MRPS33: variants seen among roughly 807,000 people sequenced by gnomAD.
MRPS33 encodes the protein mitochondrial ribosomal protein S33.
Under a neutral mutation model 11.2 loss-of-function variants are expected in MRPS33, and 11 were observed. The ratio of observed to expected loss-of-function variants is 0.99; its 90% CI spans 0.62 to 1.63. The LOEUF (loss-of-function observed/expected upper bound fraction) is 1.63. Ranked by LOEUF, MRPS33 falls within the 40% of genes most tolerant of loss-of-function variation. The pLI, the probability that MRPS33 is intolerant of heterozygous loss-of-function variation, is 0.00. For missense variants in MRPS33, 109 were observed against 127.8 expected (o/e 0.85, Z 0.71); for synonymous variants, 46 against 44.0 (o/e 1.05, Z -0.18).
chr7:141,008,797 A>C (rs1820599367), intron 2 of MRPS33, among the ~76,000 whole-genome samples: 1 of 128,608 alleles, frequency 7.8e-6, no homozygotes, highest in Admixed American at 1.0e-4. Flanking sequence ...TAATTAAAAA[A>C]ATAATTTTTT....
chr7:141,009,610 CA>C (rs1174162866), intron 2 of MRPS33: 1 of 152,026 alleles, frequency 6.6e-6, no homozygotes, highest in African/African-American at 2.4e-5. Context: ...ATAAAAATGC[CA>C]GAAGACAGTA....
chr7:141,011,086 A>G (rs1820664283), intron 1 of MRPS33, among the ~76,000 whole-genome samples: 1 of 152,216 alleles, frequency 6.6e-6, no homozygotes, highest in Non-Finnish European at 1.5e-5. Flanking sequence ...AAAAGGTGTA[A>G]TCATGGCAGA....
intron 2 of MRPS33, among the ~76,000 whole-genome samples, chr7:141,008,178 G>C (rs901784299): frequency 1.3e-5 from 2 of 152,152 alleles, no homozygotes; most frequent in African/African-American, 4.8e-5. Flanking sequence ...ACCATACCTA[G>C]TGACTACGTG....
chr7:141,004,499 TTGAG>T lies in MRPS33; in HGVS notation c.*1927_*1930del, dbSNP rs1192426344. 3.9e-5 allele frequency: 6 copies of T among 152,212 alleles called. No individual in the cohort carries two copies. The highest frequency in any genetic ancestry group is 8.8e-5 in the Non-Finnish European group (6 of 68,030). The allele number at this position is 152,212 out of a possible 1,614,324, so 9.4% of individuals were successfully genotyped here. A position where few individuals can be genotyped will look rare whatever the true frequency, so the allele number is the denominator to read the frequency against. On this transcript the variant is annotated 3_prime_UTR_variant, in exon 3 of 3. Transcript: ENST00000324787. ...GGGAATCTTTCTACTTCAGGAATCA[TTGAG>T]TGTTACAGAGAAAGAAAACTGTGGC...
At chr7:141,013,820 G>C (rs1387467729) in intron 1 of MRPS33, among the ~76,000 whole-genome samples, 1 of 152,134 alleles carries the variant, frequency 6.6e-6, no homozygotes, top group Non-Finnish European at 1.5e-5. Context: ...AAACTTCTTT[G>C]ATCTTTTTGA....
chr7:141,006,094 T>C lies in MRPS33; in HGVS notation c.*336A>G. 1 of 298,326 alleles carries C rather than the reference T, an allele frequency of 3.4e-6. No homozygotes were observed. Among genetic ancestry groups the C allele is most frequent in the South Asian group, 4.0e-5 (1 of 24,726 alleles). 18.5% of individuals were successfully genotyped at this position (298,326 alleles called of 1,614,324 possible). A position where few individuals can be genotyped will look rare whatever the true frequency, so the allele number is the denominator to read the frequency against. On this transcript the variant is annotated 3_prime_UTR_variant, in exon 3 of 3. Transcript: ENST00000324787. ...CAAGAAGGGAGAAATGAGGACACTA[T>C]AGGATGCTCACTTAATGAGGTTTCC... is the stretch of plus-strand genomic sequence containing the variant.
intron 2 of MRPS33, 65 bp from the exon 3 acceptor site, chr7:141,006,600 G>C: frequency 7.9e-7 from 1 of 1,261,236 alleles, no homozygotes; most frequent in Non-Finnish European, 1.2e-6. Context: ...CACTAATCTA[G>C]CACGCACTGC....
chr7:141,002,866 C>G lies in MRPS33; in HGVS notation c.*3564G>C, dbSNP rs1292852402. The G allele has an allele frequency of 6.5e-6, 1 of 154,076 alleles. No homozygotes were observed. The highest frequency in any genetic ancestry group is 2.4e-5 in the African/African-American group (1 of 41,446). The allele number at this position is 154,076 out of a possible 1,614,324, so 9.5% of individuals were successfully genotyped here. A position where few individuals can be genotyped will look rare whatever the true frequency, so the allele number is the denominator to read the frequency against. The stretch of plus-strand genomic sequence containing the variant: ...TATTTTTAGGAGATACGTGTCAATG[C>G]TGCCACAGAAAATTGCGCTAGTAAG... On this transcript the variant is annotated 3_prime_UTR_variant, in exon 3 of 3. Coordinates refer to ENST00000324787, the MANE Select transcript of MRPS33 (RefSeq NM_053035.3).
At chr7:141,012,654 A>G (rs533840848) in intron 1 of MRPS33, among the ~76,000 whole-genome samples, 2 of 152,292 alleles carry the variant, frequency 1.3e-5, no homozygotes, top group South Asian at 4.1e-4. Flanking sequence ...CTTAATTACC[A>G]TTGTGGCATC....
At chr7:141,009,491 C>G (rs1480778746) in intron 2 of MRPS33, among the ~76,000 whole-genome samples, 3 of 152,018 alleles carry the variant, frequency 2.0e-5, no homozygotes, top group Non-Finnish European at 4.4e-5. Context: ...CCTAGACATA[C>G]ACACACATAC....
At chr7:141,014,131 G>T (rs1254067964) in intron 1 of MRPS33, among the ~76,000 whole-genome samples, 1 of 152,120 alleles carries the variant, frequency 6.6e-6, no homozygotes. Context: ...CGTCGTTTTT[G>T]TAATGGTGCT....
At chr7:141,008,514 C>G (rs1235666616) in intron 2 of MRPS33, among the ~76,000 whole-genome samples, 1 of 152,152 alleles carries the variant, frequency 6.6e-6, no homozygotes, top group Non-Finnish European at 1.5e-5. Context: ...CTGCTGTTCC[C>G]CTAGTGCCAT....
chr7:141,011,985 A>AG (rs1820682628), intron 1 of MRPS33, among the ~76,000 whole-genome samples: 1 of 91,408 alleles, frequency 1.1e-5, no homozygotes, highest in South Asian at 4.7e-4. Context: ...TTGTTTTTAC[A>AG]GAAAAAAAAA....
chr7:141,012,937 G>A (rs1404735426), intron 1 of MRPS33, among the ~76,000 whole-genome samples: 3 of 152,108 alleles, frequency 2.0e-5, no homozygotes, highest in Non-Finnish European at 4.4e-5. Context: ...GCGAAAATGA[G>A]TAACAGTGGC....
intron 2 of MRPS33, among the ~76,000 whole-genome samples, chr7:141,007,359 G>C (rs1349693208): frequency 6.6e-6 from 1 of 152,144 alleles, no homozygotes; most frequent in Non-Finnish European, 1.5e-5. Context: ...ATGTAAGAGA[G>C]GGGTGTGCTG....
At chr7:141,009,774 C>T (rs546427995) in intron 2 of MRPS33, 1 of 151,486 alleles carries the variant, frequency 6.6e-6, no homozygotes, top group Non-Finnish European at 1.5e-5. Flanking sequence ...CTTTCTTCCT[C>T]AGTACTTGGA....
intron 1 of MRPS33, among the ~76,000 whole-genome samples, chr7:141,012,037 G>A (rs1820685865): frequency 6.6e-6 from 1 of 151,588 alleles, no homozygotes; most frequent in African/African-American, 2.4e-5. Flanking sequence ...TGCTATGGTA[G>A]TGCACACCTG....
At chr7:141,006,801 A>G (rs1820543605) in intron 2 of MRPS33, among the ~76,000 whole-genome samples, 1 of 152,192 alleles carries the variant, frequency 6.6e-6, no homozygotes, top group Non-Finnish European at 1.5e-5. Flanking sequence ...CAGCCTACAT[A>G]AACCTACATA....
Position 141,012,173 on chromosome 7 carries a change from C to CAAAAA in MRPS33, c.-27-1518_-27-1514dup, listed in dbSNP as rs56343833. Among the ~76,000 whole-genome samples, 34 of 58,774 alleles carry CAAAAA rather than the reference C, an allele frequency of 5.8e-4. 3 individuals are homozygous for CAAAAA. The highest frequency in any genetic ancestry group is 1.3e-3 in the East Asian group (2 of 1,600). The allele number at this position is 58,774 out of a possible 152,430, so 38.6% of individuals were successfully genotyped here. On this transcript the variant is annotated intron_variant, in intron 1 of 2. Coordinates refer to ENST00000324787, the MANE Select transcript of MRPS33 (RefSeq NM_053035.3). Reference sequence around the variant, plus strand: ...TGAGTGACAGAGCAAGATTGTGTGTCAAAAAAAAAAAAAAAAAAAAAGCAG... The same window carrying CAAAAA: ...TGAGTGACAGAGCAAGATTGTGTGTCAAAAAAAAAAAAAAAAAAAAAAAAAAGCAG...
Sources: allele counts gnomAD v4.1 joint callset (sites outside exome capture counted in the v4.1 genomes callset), GRCh38; gene constraint gnomAD v4.1.1; transcripts MANE v1.5; gene names NCBI Gene and HGNC (gene_info 2026-07-23, HGNC 2026-07-21).